LCORL: variants seen among roughly 807,000 people sequenced by gnomAD.
LCORL encodes ligand-dependent nuclear receptor corepressor-like protein.
Under a neutral mutation model 141.8 loss-of-function variants are expected in LCORL, and 41 were observed. The ratio of observed to expected loss-of-function variants is 0.29; its 90% CI spans 0.23 to 0.38. The LOEUF (loss-of-function observed/expected upper bound fraction) is 0.38, where lower values mean the gene tolerates loss of function less well. Among genes scored for constraint, LCORL ranks in the 10% least tolerant of loss-of-function variants. LCORL has a pLI of 1.00. For missense variants in LCORL, 1,759 were observed against 2,035.0 expected (o/e 0.86, Z 2.61); for synonymous variants, 618 against 694.1 (o/e 0.89, Z 1.72).
rs79282745 is a variant in LCORL at position 17,991,831 on chromosome 4, C to T, written c.155-18946G>A. 7.2e-3 allele frequency among the ~76,000 whole-genome samples: 1,102 copies of T among 152,178 alleles called. 9 individuals carry two copies. Among genetic ancestry groups the T allele is most frequent in the African/African-American group, 0.025 (1,043 of 41,514 alleles). ...AAAAAATCAAATATTTTCTAATACC[C>T]GCTAATACCATATCTGAAGCCCTAA... On this transcript the variant is annotated intron_variant, in intron 1 of 7. Coordinates refer to ENST00000635767, the Ensembl canonical transcript of LCORL.
chr4:17,912,101 A>T (rs1732645341), intron 4 of LCORL: 1 of 745,414 alleles, frequency 1.3e-6, no homozygotes, highest in African/African-American at 1.7e-5. Context: ...ACCACCAAGG[A>T]CGTGAGGGCT....
chr4:17,845,719 A>G lies in LCORL; in HGVS notation c.*169T>C, dbSNP rs1461035274. 6.2e-6 allele frequency: 10 copies of G among 1,603,384 alleles called. No homozygotes were observed. In the South Asian group the frequency reaches 7.8e-5, roughly 13 times the overall value. ...TAAAGATAGTGCAAGAAGAACTGCA[A>G]TCTATTTCTCTTCGCTTTTGAGATT... On this transcript the variant is annotated 3_prime_UTR_variant, in exon 8 of 8. Coordinates refer to ENST00000635767, the Ensembl canonical transcript of LCORL.
chr4:17,959,580 ATTCTCAAT>A (rs1483431210), intron 4 of LCORL, among the ~76,000 whole-genome samples: 1 of 152,112 alleles, frequency 6.6e-6, no homozygotes, highest in African/African-American at 2.4e-5. Flanking sequence ...AGGTAGTGAT[ATTCTCAAT>A]AGTAATAGCT....
At chr4:17,969,811 G>A (rs1715591714) in intron 2 of LCORL, among the ~76,000 whole-genome samples, 2 of 151,988 alleles carry the variant, frequency 1.3e-5, no homozygotes, top group Admixed American at 1.3e-4. Flanking sequence ...GCAAAACTAT[G>A]TTAAAATAAG....
At chr4:17,998,259 C>G (rs2109810230) in intron 1 of LCORL, among the ~76,000 whole-genome samples, 1 of 152,256 alleles carries the variant, frequency 6.6e-6, no homozygotes, top group East Asian at 1.9e-4. Flanking sequence ...TTACCATATA[C>G]TACTGTGGAC....
rs979642708 is a variant in LCORL, at chr4:17,990,642, GT to G, written c.155-17758del. Among the ~76,000 whole-genome samples the G allele has an allele frequency of 2.3e-3, 306 of 131,328 alleles. 1 individual carries two copies. Among genetic ancestry groups the G allele is most frequent in the East Asian group, 0.013 (61 of 4,580 alleles). The allele number at this position is 131,328 out of a possible 152,430, so 86.2% of individuals were successfully genotyped here. On this transcript the variant is annotated intron_variant, in intron 1 of 7. Coordinates refer to ENST00000635767, the Ensembl canonical transcript of LCORL. ...ATTCACATATTAAATTCCCATCTTG[GT>G]TTTTTTTTTTTTTTTTTAGAGAATT...
exon 8 of LCORL, chr4:17,842,170 GATGGCTAGAAC>G: frequency 1.6e-6 from 1 of 623,588 alleles, no homozygotes; most frequent in Non-Finnish European, 2.8e-6. Context: ...CTGGTACCAA[GATGGCTAGAAC>G]AAGTAGGAGA....
chr4:17,866,775 G>A (rs986463286), intron 7 of LCORL, among the ~76,000 whole-genome samples: 4 of 152,020 alleles, frequency 2.6e-5, no homozygotes, highest in African/African-American at 9.7e-5. Context: ...TCCATGACAA[G>A]AAAACTGTTA....
At chr4:17,846,272 T>A (rs1306602211) in intron 7 of LCORL, among the ~76,000 whole-genome samples, 4 of 152,176 alleles carry the variant, frequency 2.6e-5, no homozygotes, top group Non-Finnish European at 4.4e-5. Context: ...GATCAACATT[T>A]GTTGAATGCC....
At chr4:17,912,775 C>A (rs147126326) in intron 4 of LCORL, 19 of 419,154 alleles carry the variant, frequency 4.5e-5, no homozygotes, top group South Asian at 3.6e-4. Flanking sequence ...AGCACCAGGC[C>A]CAGGAGTACG....
At chr4:17,944,190 TAC>T (rs1234499272) in intron 4 of LCORL, among the ~76,000 whole-genome samples, 1 of 152,188 alleles carries the variant, frequency 6.6e-6, no homozygotes, top group Non-Finnish European at 1.5e-5. Context: ...CTTTAGCAGA[TAC>T]ATAGTCTTTT....
chr4:17,846,054 C>T (rs1056002915), intron 7 of LCORL, among the ~76,000 whole-genome samples, 153 bp from the exon 8 acceptor site: 2 of 152,078 alleles, frequency 1.3e-5, no homozygotes, highest in African/African-American at 2.4e-5. Context: ...TTTTCTCTCC[C>T]GCCTACTTAC....
chr4:18,002,913 G>A (rs181948280), intron 1 of LCORL, among the ~76,000 whole-genome samples: 187 of 152,246 alleles, frequency 1.2e-3, no homozygotes, highest in Middle Eastern at 3.4e-3. Flanking sequence ...TTCACTAAAC[G>A]GAATGTGGAA....
intron 5 of LCORL, among the ~76,000 whole-genome samples, chr4:17,903,778 G>T (rs970489923): frequency 2.0e-5 from 3 of 151,976 alleles, no homozygotes; most frequent in Admixed American, 6.6e-5. Flanking sequence ...GAAAGAGAAG[G>T]CAATGACAAT....
chr4:18,001,568 C>T (rs901291787), intron 1 of LCORL, among the ~76,000 whole-genome samples: 1 of 151,878 alleles, frequency 6.6e-6, no homozygotes, highest in Non-Finnish European at 1.5e-5. Flanking sequence ...AAAAAGAAGT[C>T]AAGAAGAAAG....
At chr4:17,930,326 G>T (rs1553872107) in intron 4 of LCORL, among the ~76,000 whole-genome samples, 1 of 152,188 alleles carries the variant, frequency 6.6e-6, no homozygotes, top group Non-Finnish European at 1.5e-5. Flanking sequence ...AACATAGTGA[G>T]ACTCCGTTTC....
intron 6 of LCORL, chr4:17,883,834 T>C: frequency 6.4e-7 from 1 of 1,550,646 alleles, no homozygotes; most frequent in Non-Finnish European, 8.7e-7. Flanking sequence ...GTGTTCCAGA[T>C]CTTTCTTTTA....
chr4:17,900,082 T>C (rs1366389187), intron 5 of LCORL, among the ~76,000 whole-genome samples: 1 of 152,154 alleles, frequency 6.6e-6, no homozygotes, highest in Admixed American at 6.5e-5. Flanking sequence ...GACACTAATT[T>C]CTTTTTTCTT....
chr4:17,939,879 T>TACACACAC lies in LCORL; in HGVS notation c.430+22016_430+22023dup, dbSNP rs143670453. On this transcript the variant is annotated intron_variant, in intron 4 of 7. Transcript: ENST00000635767. ...CCTGGGGAAAAGGAATAGGTACATGTACACACACACACACATATATGTATA... is the reference window on the plus strand; with the variant it reads ...CCTGGGGAAAAGGAATAGGTACATGTACACACACACACACACACACACATATATGTATA... Among the ~76,000 whole-genome samples the TACACACAC allele has an allele frequency of 7.8e-3, 1,155 of 147,868 alleles. 8 individuals carry two copies. Among genetic ancestry groups the TACACACAC allele is most frequent in the Non-Finnish European group, 0.012 (814 of 67,146 alleles).
Sources: gnomAD v4.1 joint callset for allele counts (sites outside exome capture counted in the v4.1 genomes callset) on GRCh38, gnomAD v4.1.1 for gene constraint, MANE v1.5 for transcripts, NCBI Gene and HGNC (gene_info 2026-07-23, HGNC 2026-07-21) for gene names.